ASZ1: variants seen among roughly 807,000 people sequenced by gnomAD.
The protein encoded by ASZ1 is ankyrin repeat, SAM and basic leucine zipper domain-containing protein 1.
ASZ1 carries 67 observed loss-of-function variants against 61.8 expected under a neutral mutation model. The ratio of observed to expected loss-of-function variants is 1.08; its 90% CI spans 0.89 to 1.33. The LOEUF (loss-of-function observed/expected upper bound fraction) is 1.33. Ranked by LOEUF, ASZ1 falls within the 40% of genes most tolerant of loss-of-function variation. The probability of loss-of-function intolerance (pLI) is 0.00; values close to 1 mark genes in which losing one functional copy is unlikely to be tolerated. For synonymous variants in ASZ1, 193 were observed against 192.7 expected, an observed-to-expected ratio of 1.00 and a Z score of -0.01; for missense variants, 577 against 554.5, an observed-to-expected ratio of 1.04 and a Z score of -0.41.
At chr7:117,370,870 C>G (rs1796038433) in intron 10 of ASZ1, among the ~76,000 whole-genome samples, 2 of 149,028 alleles carry the variant, frequency 1.3e-5, no homozygotes, top group Admixed American at 6.7e-5. Context: ...TGCTCTGTTG[C>G]CCAGGCTGGA....
intron 4 of ASZ1, among the ~76,000 whole-genome samples, chr7:117,387,832 A>T (rs187584767): frequency 2.3e-4 from 35 of 152,344 alleles, no homozygotes; most frequent in African/African-American, 7.9e-4. Flanking sequence ...GCCTGTCCCC[A>T]GACCTTCATA....
chr7:117,371,035 G>A (rs1040318027), intron 10 of ASZ1, among the ~76,000 whole-genome samples: 6 of 151,988 alleles, frequency 3.9e-5, no homozygotes, highest in African/African-American at 1.4e-4. Flanking sequence ...ATGTTGGCCC[G>A]GCTCGCCTTG....
intron 10 of ASZ1, among the ~76,000 whole-genome samples, chr7:117,378,519 T>A (rs1305237812): frequency 6.6e-6 from 1 of 152,160 alleles, no homozygotes; most frequent in East Asian, 1.9e-4. Context: ...AAAAAAATCA[T>A]GCTAACACCA....
In ASZ1 at chr7:117,382,012, A is replaced by G; in HGVS notation, c.888+57T>C. On this transcript the variant is annotated intron_variant, in intron 8 of 12. Coordinates refer to ENST00000284629, the MANE Select transcript of ASZ1 (RefSeq NM_130768.3). ...TTTATGAATTAATATCTAACATTAT[A>G]TTAACCAACAAATTAACATATATGC... is the stretch of plus-strand genomic sequence containing the variant. 6 of 1,128,424 alleles carry G rather than the reference A, an allele frequency of 5.3e-6. No individual in the cohort carries two copies. In the South Asian group the frequency reaches 7.7e-5, roughly 15 times the overall value. The allele number at this position is 1,128,424 out of a possible 1,614,324, so 69.9% of individuals were successfully genotyped here.
chr7:117,421,633 T>A (rs1298307327), intron 3 of ASZ1, among the ~76,000 whole-genome samples: 1 of 152,144 alleles, frequency 6.6e-6, no homozygotes, highest in African/African-American at 2.4e-5. Context: ...GAAAAAAGAA[T>A]AAAATTGTAG....
intron 4 of ASZ1, among the ~76,000 whole-genome samples, chr7:117,412,039 A>AGTGTGT (rs57672347): frequency 0.015 from 1,921 of 128,376 alleles, 32 homozygotes; most frequent in African/African-American, 0.043. Context: ...AGTGAAAAGA[A>AGTGTGT]GTGTGTGTGT....
chr7:117,363,396 A>G lies in ASZ1; in HGVS notation c.*200T>C, dbSNP rs971547056. ...ACTTATACTTTACTACCTAATCACA[A>G]TTAACATAAACATAACAAATTGTAT... On this transcript the variant is annotated 3_prime_UTR_variant, in exon 13 of 13. Transcript: ENST00000284629. The G allele has an allele frequency of 7.9e-6, 3 of 378,962 alleles. No homozygotes were observed. Among genetic ancestry groups the G allele is most frequent in the Admixed American group, 9.2e-5 (2 of 21,778 alleles). The allele number at this position is 378,962 out of a possible 1,614,324, so 23.5% of individuals were successfully genotyped here.
At chr7:117,371,752 A>G (rs1338835983) in intron 10 of ASZ1, among the ~76,000 whole-genome samples, 2 of 152,188 alleles carry the variant, frequency 1.3e-5, no homozygotes, top group African/African-American at 4.8e-5. Context: ...TAATTCACTA[A>G]TGCCATATAT....
At chr7:117,390,179 GT>G (rs35059050) in intron 4 of ASZ1, among the ~76,000 whole-genome samples, 4 of 148,450 alleles carry the variant, frequency 2.7e-5, no homozygotes, top group Non-Finnish European at 3.0e-5. Flanking sequence ...AACAGTGGGG[GT>G]TTTTTTTTTG....
At chr7:117,372,066 C>T (rs1434653881) in intron 10 of ASZ1, among the ~76,000 whole-genome samples, 1 of 152,140 alleles carries the variant, frequency 6.6e-6, no homozygotes, top group Non-Finnish European at 1.5e-5. Flanking sequence ...GCCATTTACA[C>T]TATGTGAATG....
At chr7:117,380,962 T>G in intron 9 of ASZ1, 49 bp downstream of exon 9, 1 of 1,476,924 alleles carries the variant, frequency 6.8e-7, no homozygotes, top group Non-Finnish European at 9.3e-7. Context: ...GATCCACAAT[T>G]TTAAAAACAT....
At chr7:117,390,482 G>C (rs1320358161) in intron 4 of ASZ1, among the ~76,000 whole-genome samples, 1 of 152,052 alleles carries the variant, frequency 6.6e-6, no homozygotes, top group Non-Finnish European at 1.5e-5. Context: ...ATTGTGAATG[G>C]TGCTGTGATA....
At chr7:117,390,432 G>T (rs1023494947) in intron 4 of ASZ1, among the ~76,000 whole-genome samples, 6 of 152,114 alleles carry the variant, frequency 3.9e-5, no homozygotes, top group African/African-American at 1.4e-4. Flanking sequence ...GCCTCCCAAA[G>T]GGCTGGGATT....
intron 4 of ASZ1, among the ~76,000 whole-genome samples, chr7:117,386,384 T>C (rs1264140987): frequency 6.6e-6 from 1 of 152,184 alleles, no homozygotes; most frequent in Non-Finnish European, 1.5e-5. Context: ...TTAACCAGCT[T>C]AATATTCTCT....
Position 117,412,134 on chromosome 7 carries a change from A to G in ASZ1, c.440+8029T>C, listed in dbSNP as rs1334413734. Among the ~76,000 whole-genome samples, 4 of 151,196 alleles carry G rather than the reference A, an allele frequency of 2.6e-5. No homozygotes were observed. The East Asian group carries it at 7.7e-4, about 29-fold the overall frequency. ...TGTGTATTTTTAAAAAGGATTAGGG[A>G]CATTTACCAAACTACTTAAAATAGC... On this transcript the variant is annotated intron_variant, in intron 4 of 12. Transcript: ENST00000284629.
At chr7:117,372,889 A>G (rs191475482) in intron 10 of ASZ1, among the ~76,000 whole-genome samples, 12 of 152,240 alleles carry the variant, frequency 7.9e-5, no homozygotes, top group Middle Eastern at 3.4e-3. Flanking sequence ...CATGACATTA[A>G]GTTTCAAAAT....
intron 4 of ASZ1, among the ~76,000 whole-genome samples, chr7:117,403,700 G>A (rs1265200499): frequency 2.0e-5 from 3 of 152,072 alleles, no homozygotes; most frequent in Admixed American, 6.6e-5. Flanking sequence ...CCTTGGAACC[G>A]ATAGGTGTTA....
At chr7:117,399,398 TTCTACTACCTC>T (rs1796635941) in intron 4 of ASZ1, among the ~76,000 whole-genome samples, 2 of 152,218 alleles carry the variant, frequency 1.3e-5, no homozygotes, top group Admixed American at 1.3e-4. Flanking sequence ...TAGAGACACT[TTCTACTACCTC>T]TAATCTTCCT....
At chr7:117,380,921 G>A (rs1035775072) in intron 9 of ASZ1, 90 bp downstream of exon 9, 6 of 1,126,020 alleles carry the variant, frequency 5.3e-6, no homozygotes, top group Admixed American at 4.2e-5. Context: ...TTTGTCTATA[G>A]CCCTGGCATT....
Sources: allele counts gnomAD v4.1 joint callset (sites outside exome capture counted in the v4.1 genomes callset), GRCh38; gene constraint gnomAD v4.1.1; transcripts MANE v1.5; gene names NCBI Gene and HGNC (gene_info 2026-07-23, HGNC 2026-07-21).